Variants in AKAP6 observed in about 807,000 individuals in gnomAD.
The protein encoded by AKAP6 is A-kinase anchor protein 6.
A neutral mutation model predicts 188.5 loss-of-function variants in AKAP6; 58 were observed. The observed-to-expected ratio is 0.31, with a 90% CI of 0.25 to 0.38. The LOEUF (loss-of-function observed/expected upper bound fraction) is 0.38. AKAP6 is among the 10% of genes least tolerant of loss of function. AKAP6 has a pLI of 1.00. For missense variants in AKAP6, 2,710 were observed against 2,740.0 expected, an observed-to-expected ratio of 0.99 and a Z score of 0.24; for synonymous variants, 989 against 998.6, an observed-to-expected ratio of 0.99 and a Z score of 0.18.
At chr14:32,422,540 T>C (rs1332172334) in intron 1 of AKAP6, among the ~76,000 whole-genome samples, 2 of 152,142 alleles carry the variant, frequency 1.3e-5, no homozygotes, top group Non-Finnish European at 2.9e-5. Flanking sequence ...TACCACCAAT[T>C]TGGGAAGCTT....
At chr14:32,729,470 C>T (rs909369259) in intron 9 of AKAP6, among the ~76,000 whole-genome samples, 2 of 152,028 alleles carry the variant, frequency 1.3e-5, no homozygotes, top group African/African-American at 4.8e-5. Flanking sequence ...TCTACAACTT[C>T]TTTAGTTCTT....
chr14:32,503,538 T>A (rs886619008), intron 2 of AKAP6, among the ~76,000 whole-genome samples: 1 of 152,000 alleles, frequency 6.6e-6, no homozygotes, highest in African/African-American at 2.4e-5. Context: ...TTTCTAGTAA[T>A]TTTTACATTT....
intron 8 of AKAP6, among the ~76,000 whole-genome samples, chr14:32,687,700 G>A (rs1400044842): frequency 1.3e-5 from 2 of 151,948 alleles, no homozygotes; most frequent in East Asian, 3.9e-4. Context: ...CTTGACTCTT[G>A]CCTTACCTCA....
chr14:32,508,567 A>G (rs910444906), intron 2 of AKAP6, among the ~76,000 whole-genome samples: 1 of 152,208 alleles, frequency 6.6e-6, no homozygotes, highest in African/African-American at 2.4e-5. Flanking sequence ...CTTTAAGAGA[A>G]TGACACTTAC....
intron 2 of AKAP6, among the ~76,000 whole-genome samples, chr14:32,461,113 G>A (rs921280264): frequency 6.6e-6 from 1 of 152,224 alleles, no homozygotes; most frequent in African/African-American, 2.4e-5. Flanking sequence ...GCACCTGGGG[G>A]AAGGGGCAGC....
intron 11 of AKAP6, among the ~76,000 whole-genome samples, chr14:32,750,443 C>G (rs754113379): frequency 2.6e-5 from 4 of 151,954 alleles, no homozygotes; most frequent in Non-Finnish European, 5.9e-5. Context: ...TAATTCAGGT[C>G]TAGCTTGGAG....
intron 1 of AKAP6, among the ~76,000 whole-genome samples, chr14:32,399,764 A>G (rs1314420580): frequency 1.3e-5 from 2 of 152,100 alleles, no homozygotes; most frequent in African/African-American, 4.8e-5. Context: ...TAAAAATAGT[A>G]TCTATTCCTT....
chr14:32,627,627 C>G (rs1887079367), intron 7 of AKAP6, among the ~76,000 whole-genome samples: 1 of 152,140 alleles, frequency 6.6e-6, no homozygotes, highest in African/African-American at 2.4e-5. Context: ...TCTCTTTTTT[C>G]TAGCACAACC....
intron 9 of AKAP6, among the ~76,000 whole-genome samples, chr14:32,705,290 G>A (rs1890767236): frequency 6.6e-6 from 1 of 152,122 alleles, no homozygotes; most frequent in Non-Finnish European, 1.5e-5. Context: ...AGGCGCAGGA[G>A]AATGATATTG....
chr14:32,695,164 A>G (rs1890352456), intron 8 of AKAP6, among the ~76,000 whole-genome samples: 1 of 152,172 alleles, frequency 6.6e-6, no homozygotes, highest in Non-Finnish European at 1.5e-5. Context: ...TTTGAATTTT[A>G]ATGATTGCTG....
chr14:32,560,262 A>G (rs566902219), intron 4 of AKAP6, among the ~76,000 whole-genome samples: 1 of 152,330 alleles, frequency 6.6e-6, no homozygotes, highest in Admixed American at 6.5e-5. Flanking sequence ...CCAGGACAAA[A>G]ACTGTATATT....
At chr14:32,435,874 A>G (rs1890362082) in intron 2 of AKAP6, among the ~76,000 whole-genome samples, 1 of 152,218 alleles carries the variant, frequency 6.6e-6, no homozygotes, top group Non-Finnish European at 1.5e-5. Context: ...ATATCGCTTA[A>G]TCTACTTAGT....
rs557261677 is a variant in AKAP6, at chr14:32,555,978, GT to G, written c.2346+8991del. 3.8e-3 allele frequency among the ~76,000 whole-genome samples: 548 copies of G among 143,020 alleles called. 2 individuals carry two copies. Among genetic ancestry groups the G allele is most frequent in the African/African-American group, 0.01 (413 of 39,384 alleles). 93.8% of individuals were successfully genotyped at this position (143,020 alleles called of 152,430 possible). On this transcript the variant is annotated intron_variant, in intron 4 of 13. Transcript: ENST00000280979. The stretch of plus-strand genomic sequence containing the variant: ...ATACCCAAAAATTGGATTGCTGGAT[GT>G]TTTTTTTTTTTGAGGATCATGTATA...
intron 1 of AKAP6, among the ~76,000 whole-genome samples, chr14:32,355,470 C>G (rs28451992): frequency 0.31 from 47,852 of 151,956 alleles, 8,245 homozygotes; most frequent in African/African-American, 0.46. Context: ...TCTGGCAGGA[C>G]GGGGAGGCCT....
chr14:32,630,639 C>T (rs1887227948), intron 7 of AKAP6, among the ~76,000 whole-genome samples: 1 of 152,040 alleles, frequency 6.6e-6, no homozygotes, highest in Admixed American at 6.6e-5. Flanking sequence ...TTATGCGAGC[C>T]TCTAATGTTC....
At chr14:32,792,319 C>T (rs180991684) in intron 12 of AKAP6, among the ~76,000 whole-genome samples, 2 of 152,162 alleles carry the variant, frequency 1.3e-5, no homozygotes, top group African/African-American at 4.8e-5. Flanking sequence ...TGTAGTTCTC[C>T]CTGAAGAGGA....
chr14:32,486,620 CTGT>C (rs201036399), intron 2 of AKAP6, among the ~76,000 whole-genome samples: 1 of 152,084 alleles, frequency 6.6e-6, no homozygotes, highest in Non-Finnish European at 1.5e-5. Context: ...CTCTGTTTGT[CTGT>C]TGTTGTTGTA....
chr14:32,649,791 A>G (rs1888134812), intron 7 of AKAP6, among the ~76,000 whole-genome samples: 1 of 152,172 alleles, frequency 6.6e-6, no homozygotes, highest in South Asian at 2.1e-4. Flanking sequence ...GAATAATATA[A>G]AAAAGTAAGA....
At chr14:32,734,305 T>A (rs112723025) in intron 10 of AKAP6, 197 of 152,266 alleles carry the variant, frequency 1.3e-3, no homozygotes, top group African/African-American at 4.3e-3. Context: ...ATTACTTTCA[T>A]CTAAGGTGAA....
Sources: gnomAD v4.1 joint callset for allele counts (sites outside exome capture counted in the v4.1 genomes callset) on GRCh38, gnomAD v4.1.1 for gene constraint, MANE v1.5 for transcripts, NCBI Gene and HGNC (gene_info 2026-07-23, HGNC 2026-07-21) for gene names.